Variants in LITAF observed in about 807,000 individuals in gnomAD.
LITAF encodes lipopolysaccharide induced TNF factor, also known as lipopolysaccharide-induced tumor necrosis factor-alpha factor.
LITAF carries 9 observed loss-of-function variants against 14.5 expected under a neutral mutation model. The ratio of observed to expected loss-of-function variants is 0.62; its 90% CI spans 0.37 to 1.08. LITAF has a LOEUF of 1.08. Ranked by LOEUF, LITAF falls within the 50% of genes least tolerant of loss-of-function variation. The pLI, the probability that LITAF is intolerant of heterozygous loss-of-function variation, is 0.01. For synonymous variants in LITAF, 98 were observed against 88.2 expected (o/e 1.11, Z -0.62); for missense variants, 206 against 213.4 (o/e 0.97, Z 0.22).
At chr16:11,556,308 A>T (rs1567237071) in intron 2 of LITAF, 1 of 597,250 alleles carries the variant, frequency 1.7e-6, no homozygotes, top group Non-Finnish European at 3.0e-6. Context: ...AAGATCCTAA[A>T]CCATACTTTA....
chr16:11,619,861 C>A (rs1304660208), intron 3 of LITAF, among the ~76,000 whole-genome samples: 3 of 152,280 alleles, frequency 2.0e-5, no homozygotes, highest in African/African-American at 7.2e-5. Context: ...TCCCAGACCA[C>A]ATCTCACGTT....
At chr16:11,566,967 G>C (rs921871864) in intron 1 of LITAF, among the ~76,000 whole-genome samples, 1 of 152,196 alleles carries the variant, frequency 6.6e-6, no homozygotes, top group African/African-American at 2.4e-5. Context: ...AGGATTTATG[G>C]TGCAGATGCC....
intron 3 of LITAF, chr16:11,633,444 C>G (rs972115135): frequency 1.3e-5 from 2 of 152,166 alleles, no homozygotes; most frequent in Admixed American, 6.6e-5. Context: ...TTCTAAGTCA[C>G]GGGATGAGAT....
intron 1 of LITAF, among the ~76,000 whole-genome samples, chr16:11,557,743 G>A (rs919773625): frequency 6.6e-6 from 1 of 152,290 alleles, no homozygotes; most frequent in Non-Finnish European, 1.5e-5. Flanking sequence ...GAGCCACCGC[G>A]CCCAGCCTCT....
chr16:11,549,581 T>G lies in LITAF; in HGVS notation c.*56A>C. 3.5e-5 allele frequency: 46 copies of G among 1,299,674 alleles called. No individual in the cohort carries two copies. The highest frequency in any genetic ancestry group is 4.5e-5 in the Non-Finnish European group (41 of 909,464). The allele number at this position is 1,299,674 out of a possible 1,614,324, so 80.5% of individuals were successfully genotyped here. A position where few individuals can be genotyped will look rare whatever the true frequency, so the allele number is the denominator to read the frequency against. ...AACCTCCACCAGGCGTGAAGCTGGA[T>G]GAGAGGTGGAAAGGACTTCCTGCGG... On this transcript the variant is annotated 3_prime_UTR_variant, in exon 4 of 4. Coordinates refer to ENST00000622633, the MANE Select transcript of LITAF (RefSeq NM_001136472.2). The surrounding 1 kb of genome is among the most constrained non-coding windows in gnomAD (Gnocchi z 4.6).
intron 1 of LITAF, among the ~76,000 whole-genome samples, chr16:11,574,959 C>A (rs998528757): frequency 3.9e-5 from 6 of 152,086 alleles, no homozygotes; most frequent in African/African-American, 7.2e-5. Flanking sequence ...CATGCCACCA[C>A]GCTCAGCTCA....
intron 1 of LITAF, among the ~76,000 whole-genome samples, chr16:11,593,500 A>G (rs114023362): frequency 0.01 from 1,544 of 152,300 alleles, 27 homozygotes; most frequent in African/African-American, 0.034. Context: ...AAAAAAACTG[A>G]AAACAAGTAC....
chr16:11,621,929 C>G (rs1051109158), intron 3 of LITAF, among the ~76,000 whole-genome samples: 3 of 152,174 alleles, frequency 2.0e-5, no homozygotes, highest in African/African-American at 4.8e-5. Context: ...GAAGGCAAGA[C>G]CTTCCCATTT....
rs373678700 is a variant in LITAF, at chr16:11,597,286, A to G, written c.-6+1102T>C. ...CTTCCTTGTAGCCTCCAGGAAACAC[A>G]CGTCTTCATAACACAGAAGAATTTC... On this transcript the variant is annotated intron_variant, in intron 1 of 3. Transcript: ENST00000571627. 7.9e-5 allele frequency among the ~76,000 whole-genome samples: 12 copies of G among 152,244 alleles called. No individual in the cohort carries two copies. The East Asian group carries it at 1.7e-3, about 22-fold the overall frequency.
intron 3 of LITAF, among the ~76,000 whole-genome samples, chr16:11,610,192 C>T (rs926683698): frequency 4.6e-5 from 7 of 152,194 alleles, no homozygotes; most frequent in African/African-American, 9.7e-5. Flanking sequence ...GCAGCTCCTC[C>T]GCACACAATG....
At chr16:11,594,528 T>TA (rs2064869812) in intron 1 of LITAF, among the ~76,000 whole-genome samples, 3 of 151,908 alleles carry the variant, frequency 2.0e-5, no homozygotes, top group Non-Finnish European at 4.4e-5. Flanking sequence ...CTTATTTTGT[T>TA]AAAAAGAAAA....
chr16:11,599,149 C>T (rs966723881), upstream of LITAF, among the ~76,000 whole-genome samples: 3 of 151,388 alleles, frequency 2.0e-5, no homozygotes, highest in African/African-American at 7.3e-5. Context: ...GACAGAGTCT[C>T]ACTCTGTCAC....
At chr16:11,636,066 G>A (rs1035639505) in intron 1 of LITAF, 1 of 152,230 alleles carries the variant, frequency 6.6e-6, no homozygotes, top group Non-Finnish European at 1.5e-5. Context: ...TACTGGGCAC[G>A]AACATTGTGT....
chr16:11,604,470 G>T (rs1283051736), intron 3 of LITAF, among the ~76,000 whole-genome samples: 1 of 152,042 alleles, frequency 6.6e-6, no homozygotes, highest in Non-Finnish European at 1.5e-5. Flanking sequence ...TCCATGGTGA[G>T]GACTTCAGGC....
chr16:11,576,855 GCTTA>G (rs2141817506), intron 1 of LITAF, among the ~76,000 whole-genome samples: 1 of 152,270 alleles, frequency 6.6e-6, no homozygotes, highest in East Asian at 1.9e-4. Context: ...TCTTCTATTT[GCTTA>G]CTTCCTTTGT....
At chr16:11,638,068 ATATATATATCTATATC>A (rs1230752095), upstream of LITAF, among the ~76,000 whole-genome samples, 19 of 123,650 alleles carry the variant, frequency 1.5e-4, 2 homozygotes, top group East Asian at 1.1e-3. Flanking sequence ...ATATATATCT[ATATATATATCTATATC>A]TATCTATCTA....
chr16:11,574,066 G>C (rs766306684), intron 1 of LITAF, among the ~76,000 whole-genome samples: 1 of 151,020 alleles, frequency 6.6e-6, no homozygotes, highest in Non-Finnish European at 1.5e-5. Flanking sequence ...TTTAAAGACA[G>C]GTTCTCACTG....
upstream of LITAF, among the ~76,000 whole-genome samples, chr16:11,592,150 G>A (rs2064850819): frequency 6.6e-6 from 1 of 152,180 alleles, no homozygotes. Flanking sequence ...ACTATCAGGA[G>A]AGTAAAAAGA....
At chr16:11,555,086 G>A (rs1213399700) in intron 2 of LITAF, among the ~76,000 whole-genome samples, 1 of 152,072 alleles carries the variant, frequency 6.6e-6, no homozygotes, top group Non-Finnish European at 1.5e-5. Context: ...AGGCTGGAGT[G>A]CAGGGGTACA....
Sources: allele counts gnomAD v4.1 joint callset (sites outside exome capture counted in the v4.1 genomes callset), GRCh38; gene constraint gnomAD v4.1.1; non-coding constraint Gnocchi (gnomAD v3.1); transcripts MANE v1.5; gene names NCBI Gene and HGNC (gene_info 2026-07-23, HGNC 2026-07-21).